KCNK5: variants seen among roughly 807,000 people sequenced by gnomAD.
The protein encoded by KCNK5 is potassium channel subfamily K member 5.
In KCNK5, 18 loss-of-function variants were observed where a neutral mutation model predicts 32.9. The observed-to-expected ratio is 0.55, with a 90% CI of 0.38 to 0.81. The LOEUF (loss-of-function observed/expected upper bound fraction) is 0.81, where lower values mean the gene tolerates loss of function less well. KCNK5 is among the 30% of genes least tolerant of loss of function. KCNK5 has a pLI of 0.00. For synonymous variants in KCNK5, 276 were observed against 275.3 expected (o/e 1.00, Z -0.03); for missense variants, 507 against 651.0 (o/e 0.78, Z 2.41).
chr6:39,206,882 G>A (rs890171142), intron 1 of KCNK5, among the ~76,000 whole-genome samples: 5 of 152,212 alleles, frequency 3.3e-5, no homozygotes, highest in Non-Finnish European at 7.3e-5. Context: ...GGGCACATGG[G>A]GCGTGTTCCA....
Position 39,191,066 on chromosome 6 carries a change from T to C in KCNK5, c.1324A>G (p.Asn442Asp). The change falls in exon 5 of 5, where the codon AAC (asparagine) becomes GAC (aspartate). Residue 442 changes from asparagine (N) to aspartate (D), a missense_variant. Transcript: ENST00000359534. This position sits in a 1 kb window ranked among gnomAD's most constrained non-coding sequence, Gnocchi z 5.8. Reference sequence around the variant, plus strand: ...TGGGGGCTCTCCTCCCCTGCCAAGTTGTCCTCTAGCGAGGACTTGGAGGTC... The same window carrying C: ...TGGGGGCTCTCCTCCCCTGCCAAGTCGTCCTCTAGCGAGGACTTGGAGGTC... ...EETSKSSLED[N>D]LAGEESPQQG... is the part of the protein sequence containing the mutation. 1 of 1,613,654 alleles carries C rather than the reference T, an allele frequency of 6.2e-7. No individual in the cohort carries two copies.
At position 39,195,587 on chromosome 6, in the gene KCNK5, G is replaced by A. The variant is rs138907252; in HGVS notation, c.298+289C>T. ...GACACCCAGCTTGGTAAGTAGTCAT[G>A]ATCTGGGTTTCTGCAATGAGCAGTC... On this transcript the variant is annotated intron_variant, in intron 2 of 4. Coordinates refer to ENST00000359534, the MANE Select transcript of KCNK5 (RefSeq NM_003740.4). Among the ~76,000 whole-genome samples the A allele has an allele frequency of 4.3e-3, 660 of 152,342 alleles. 7 individuals carry two copies. Among genetic ancestry groups the A allele is most frequent in the Admixed American group, 6.7e-3 (103 of 15,300 alleles).
intron 1 of KCNK5, among the ~76,000 whole-genome samples, chr6:39,200,696 G>A: frequency 6.6e-6 from 1 of 152,208 alleles, no homozygotes; most frequent in Non-Finnish European, 1.5e-5. Flanking sequence ...CTCTCATGCT[G>A]TTGCTCCAGT....
At chr6:39,200,673 C>T (rs1771120605) in intron 1 of KCNK5, among the ~76,000 whole-genome samples, 1 of 152,212 alleles carries the variant, frequency 6.6e-6, no homozygotes, top group Non-Finnish European at 1.5e-5. Flanking sequence ...ACCAGTCCAG[C>T]CACTCTGACC....
Position 39,191,234 on chromosome 6 carries a change from G to A in KCNK5, c.1156C>T (p.Pro386Ser). Residue 386 changes from proline to serine, a missense_variant, in exon 5 of 5, where the codon CCT becomes TCT. Around this residue, in one of 6 missense-constraint regions of KCNK5, gnomAD observed 252 missense variants for 250.8 expected, o/e 1.00. Transcript: ENST00000359534. This position sits in a 1 kb window ranked among gnomAD's most constrained non-coding sequence, Gnocchi z 5.8. ...AVARAPEDSS[P>S]APEVFMNQLD... ...TGGTTCATGAACACCTCGGGGGCAG[G>A]GGAGCTGTCTTCAGGGGCCCGTGCC... 1 of 1,614,182 alleles carries A rather than the reference G, an allele frequency of 6.2e-7. No homozygotes were observed.
chr6:39,224,925 G>A (rs763258596), intron 1 of KCNK5, among the ~76,000 whole-genome samples: 2 of 149,730 alleles, frequency 1.3e-5, no homozygotes, highest in Non-Finnish European at 1.5e-5. Context: ...CTTTTTTTGA[G>A]ACAAGCTCTT....
chr6:39,194,741 G>A lies in KCNK5; in HGVS notation c.318C>T (p.Pro106=), dbSNP rs150238358. 1.4e-4 allele frequency: 233 copies of A among 1,614,028 alleles called. No individual in the cohort carries two copies. The African/African-American group carries it at 2.7e-3, about 19-fold the overall frequency. Residue 106 remains proline (P), a synonymous_variant, in exon 3 of 5, where the codon CCC becomes CCT. Transcript: ENST00000359534. This position sits in a 1 kb window ranked among gnomAD's most constrained non-coding sequence, Gnocchi z 4.7. The part of the protein sequence containing the change: ...ITTIGYGNVA[P]KTPAGRLFCV... ...AGAAGAGGCGACCGGCGGGGGTCTT[G>A]GGAGCCACATTGCCATATCCTGAGG...
At position 39,190,799 on chromosome 6, in the gene KCNK5, C is replaced by G. The variant is rs374965520; in HGVS notation, c.*91G>C. ...ACTCCCAGTTCCGAGGCTGCCCCCC[C>G]ACCAGGGGCCAGGCGTCCCGGTCAT... On this transcript the variant is annotated 3_prime_UTR_variant, in exon 5 of 5. Coordinates refer to ENST00000359534, the MANE Select transcript of KCNK5 (RefSeq NM_003740.4). The G allele has an allele frequency of 1.8e-5, 24 of 1,311,026 alleles. No individual in the cohort carries two copies. The highest frequency in any genetic ancestry group is 9.7e-5 in the Admixed American group (3 of 30,962). 81.2% of individuals were successfully genotyped at this position (1,311,026 alleles called of 1,614,324 possible). A position where few individuals can be genotyped will look rare whatever the true frequency, so the allele number is the denominator to read the frequency against.
intron 1 of KCNK5, among the ~76,000 whole-genome samples, chr6:39,222,688 A>G (rs529515498): frequency 6.6e-6 from 1 of 152,324 alleles, no homozygotes; most frequent in East Asian, 1.9e-4. Flanking sequence ...TTTGGTTGAT[A>G]CACACCCAGA....
intron 1 of KCNK5, among the ~76,000 whole-genome samples, chr6:39,202,940 A>C (rs1771156053): frequency 3.3e-5 from 5 of 152,196 alleles, no homozygotes; most frequent in Admixed American, 3.3e-4. Context: ...TCTGTAAAAT[A>C]ACACCTACTC....
intron 1 of KCNK5, among the ~76,000 whole-genome samples, chr6:39,210,160 T>G (rs1242314902): frequency 6.6e-6 from 1 of 152,040 alleles, no homozygotes; most frequent in Non-Finnish European, 1.5e-5. Flanking sequence ...TTTCAGTGAG[T>G]GGTAACAGGG....
chr6:39,190,599 A>T lies in KCNK5; in HGVS notation c.*291T>A. The T allele has an allele frequency of 3.3e-6, 1 of 299,220 alleles. No individual in the cohort carries two copies. The allele number at this position is 299,220 out of a possible 1,614,324, so 18.5% of individuals were successfully genotyped here. A position where few individuals can be genotyped will look rare whatever the true frequency, so the allele number is the denominator to read the frequency against. On this transcript the variant is annotated 3_prime_UTR_variant, in exon 5 of 5. Transcript: ENST00000359534. ...CTGCAGGCAAGGCCTCCTCAGGGTCAGTCCTGCCCACCTGTCCCGCCAGCC... is the reference window on the plus strand; with the variant it reads ...CTGCAGGCAAGGCCTCCTCAGGGTCTGTCCTGCCCACCTGTCCCGCCAGCC...
At chr6:39,195,238 G>C (rs1031506068) in intron 2 of KCNK5, among the ~76,000 whole-genome samples, 1 of 152,226 alleles carries the variant, frequency 6.6e-6, no homozygotes, top group African/African-American at 2.4e-5. Context: ...ACGCTGGACA[G>C]GTGAGGTCTA....
At chr6:39,209,249 T>C (rs1325449903) in intron 1 of KCNK5, among the ~76,000 whole-genome samples, 4 of 151,982 alleles carry the variant, frequency 2.6e-5, no homozygotes, top group Non-Finnish European at 5.9e-5. Flanking sequence ...CCCCAAATAG[T>C]GTAGGAAAGA....
chr6:39,214,631 A>G (rs1190940994), intron 1 of KCNK5, among the ~76,000 whole-genome samples: 1 of 152,166 alleles, frequency 6.6e-6, no homozygotes, highest in Admixed American at 6.5e-5. Context: ...TTTCGGATCC[A>G]ATCAGGTAAA....
chr6:39,228,356 T>A (rs1012987225), intron 1 of KCNK5, among the ~76,000 whole-genome samples: 9 of 152,042 alleles, frequency 5.9e-5, no homozygotes, highest in Admixed American at 4.6e-4. Context: ...CCAGCCCTCA[T>A]CCCGTGGGTT....
At chr6:39,225,035 C>T (rs1279495359) in intron 1 of KCNK5, among the ~76,000 whole-genome samples, 1 of 152,120 alleles carries the variant, frequency 6.6e-6, no homozygotes, top group African/African-American at 2.4e-5. Context: ...AGACCCCACT[C>T]TGGCTTGAGG....
intron 1 of KCNK5, among the ~76,000 whole-genome samples, chr6:39,204,694 C>G (rs935025419): frequency 6.6e-6 from 1 of 152,242 alleles, no homozygotes; most frequent in African/African-American, 2.4e-5. Flanking sequence ...ACGCACTGCC[C>G]TAGATCCAAT....
intron 1 of KCNK5, among the ~76,000 whole-genome samples, chr6:39,198,720 T>C (rs12207689): frequency 0.21 from 32,629 of 152,092 alleles, 3,711 homozygotes; most frequent in Admixed American, 0.26. Flanking sequence ...CCACTGTTGC[T>C]TGCAGGGTCA....
Sources: allele counts gnomAD v4.1 joint callset (sites outside exome capture counted in the v4.1 genomes callset), GRCh38; gene constraint gnomAD v4.1.1; regional missense constraint gnomAD v4.1.1; non-coding constraint Gnocchi (gnomAD v3.1); transcripts MANE v1.5; gene names NCBI Gene and HGNC (gene_info 2026-07-23, HGNC 2026-07-21).